Variants in ZNF804B observed in about 807,000 individuals in gnomAD.
The protein encoded by ZNF804B is zinc finger 804B.
Under a neutral mutation model 101.4 loss-of-function variants are expected in ZNF804B, and 80 were observed. The ratio of observed to expected loss-of-function variants is 0.79; its 90% CI spans 0.66 to 0.95. The LOEUF (loss-of-function observed/expected upper bound fraction) is 0.95, where lower values mean the gene tolerates loss of function less well. Ranked by LOEUF, ZNF804B falls within the 40% of genes least tolerant of loss-of-function variation. The pLI is 0.00. For missense variants in ZNF804B, 1,673 were observed against 1,561.9 expected, an observed-to-expected ratio of 1.07 and a Z score of -1.20; for synonymous variants, 622 against 558.8, an observed-to-expected ratio of 1.11 and a Z score of -1.59.
chr7:89,336,446 T>G lies in ZNF804B; in HGVS notation c.3464T>G (p.Ile1155Arg), dbSNP rs144457937. Reference protein sequence around the residue: ...QQPITFSPDEIDKYKILQLQA... With the variant: ...QQPITFSPDERDKYKILQLQA... Reference sequence around the variant, plus strand: ...CCCATAACATTTTCTCCTGACGAAATAGATAAATATAAGATCCTACAGCTA... The same window carrying G: ...CCCATAACATTTTCTCCTGACGAAAGAGATAAATATAAGATCCTACAGCTA... The change falls in exon 4 of 4, where the codon ATA (isoleucine) becomes AGA (arginine). Residue 1155 changes from isoleucine (I) to arginine (R), a missense_variant. By Grantham distance (97) the Ile-to-Arg change is moderately conservative. Coordinates refer to ENST00000333190, the MANE Select transcript of ZNF804B (RefSeq NM_181646.5). The G allele has an allele frequency of 4.3e-6, 7 of 1,613,968 alleles. No individual in the cohort carries two copies. In the Admixed American group the frequency reaches 6.7e-5, roughly 15 times the overall value.
At chr7:89,241,957 T>C (rs1293734032) in intron 2 of ZNF804B, among the ~76,000 whole-genome samples, 1 of 151,658 alleles carries the variant, frequency 6.6e-6, no homozygotes, top group Non-Finnish European at 1.5e-5. Flanking sequence ...CACCAACTTC[T>C]CTTCTCCAGG....
At chr7:89,032,867 T>C (rs1788860152) in intron 1 of ZNF804B, among the ~76,000 whole-genome samples, 1 of 152,096 alleles carries the variant, frequency 6.6e-6, no homozygotes, top group Non-Finnish European at 1.5e-5. Context: ...GGTGATGTTA[T>C]AATTTATGAA....
At chr7:88,788,163 T>C (rs1790330256) in intron 1 of ZNF804B, among the ~76,000 whole-genome samples, 1 of 152,070 alleles carries the variant, frequency 6.6e-6, no homozygotes, top group Non-Finnish European at 1.5e-5. Flanking sequence ...CCAGTGGGAC[T>C]TCTTGAGAAG....
At position 89,220,066 on chromosome 7, in the gene ZNF804B, C is replaced by CAT. The variant is rs1204101899; in HGVS notation, c.249+1776_249+1777dup. Among the ~76,000 whole-genome samples, 70 of 93,912 alleles carry CAT rather than the reference C, an allele frequency of 7.5e-4. 17 individuals are homozygous for CAT. Among genetic ancestry groups the CAT allele is most frequent in the African/African-American group, 2.7e-3 (57 of 20,944 alleles). The allele number at this position is 93,912 out of a possible 152,430, so 61.6% of individuals were successfully genotyped here. A position where few individuals can be genotyped will look rare whatever the true frequency, so the allele number is the denominator to read the frequency against. ...ATGTGCATATATACATATATACGCACATATATGTGTATATACATATATATA... is the reference window on the plus strand; with the variant it reads ...ATGTGCATATATACATATATACGCACATATATATGTGTATATACATATATATA... On this transcript the variant is annotated intron_variant, in intron 2 of 3. Coordinates refer to ENST00000333190, the MANE Select transcript of ZNF804B (RefSeq NM_181646.5).
At chr7:89,311,376 G>A (rs1458575618) in intron 2 of ZNF804B, among the ~76,000 whole-genome samples, 1 of 152,106 alleles carries the variant, frequency 6.6e-6, no homozygotes, top group African/African-American at 2.4e-5. Flanking sequence ...AAATGCTGCT[G>A]CATGAGAAAG....
chr7:89,081,201 A>G (rs1457111162), intron 1 of ZNF804B, among the ~76,000 whole-genome samples: 1 of 151,876 alleles, frequency 6.6e-6, no homozygotes, highest in East Asian at 1.9e-4. Context: ...TCAGGGCTAG[A>G]AATTTGAAAC....
intron 1 of ZNF804B, among the ~76,000 whole-genome samples, chr7:88,800,432 A>C (rs1586908441): frequency 6.6e-6 from 1 of 152,130 alleles, no homozygotes; most frequent in South Asian, 2.1e-4. Flanking sequence ...CATAGTTTTC[A>C]TCTATTTACT....
chr7:88,928,587 G>T (rs766207806), intron 1 of ZNF804B, among the ~76,000 whole-genome samples: 1 of 151,984 alleles, frequency 6.6e-6, no homozygotes, highest in African/African-American at 2.4e-5. Context: ...GAGATCCAGG[G>T]GTGTTTCCCT....
chr7:88,891,409 G>T (rs1792212034), intron 1 of ZNF804B, among the ~76,000 whole-genome samples: 1 of 151,868 alleles, frequency 6.6e-6, no homozygotes, highest in South Asian at 2.1e-4. Context: ...TATTTTGTTT[G>T]CCTTTTATAT....
At chr7:88,895,605 C>T (rs1263140559) in intron 1 of ZNF804B, among the ~76,000 whole-genome samples, 1 of 152,156 alleles carries the variant, frequency 6.6e-6, no homozygotes, top group Admixed American at 6.5e-5. Context: ...GAAACCAGCA[C>T]TCCTTAGTGA....
At chr7:89,255,101 GC>G (rs1450846282) in intron 2 of ZNF804B, among the ~76,000 whole-genome samples, 7 of 152,204 alleles carry the variant, frequency 4.6e-5, no homozygotes, top group Non-Finnish European at 1.0e-4. Flanking sequence ...TTGCTGGGAG[GC>G]CTCAGGAAAC....
At chr7:88,902,303 C>G (rs1792403925) in intron 1 of ZNF804B, among the ~76,000 whole-genome samples, 1 of 151,908 alleles carries the variant, frequency 6.6e-6, no homozygotes, top group South Asian at 2.1e-4. Flanking sequence ...ATCTGTTTTT[C>G]CAGCAGCGCA....
chr7:89,049,009 G>C (rs1789156391), intron 1 of ZNF804B, among the ~76,000 whole-genome samples: 2 of 152,062 alleles, frequency 1.3e-5, no homozygotes, highest in Admixed American at 6.5e-5. Context: ...CACAATTTCA[G>C]GTTCTTGTAA....
At chr7:88,781,880 C>T (rs763691881) in intron 1 of ZNF804B, among the ~76,000 whole-genome samples, 12 of 152,096 alleles carry the variant, frequency 7.9e-5, no homozygotes, top group Non-Finnish European at 1.6e-4. Flanking sequence ...CTGACTTAAG[C>T]ATAAAAGAAT....
intron 1 of ZNF804B, among the ~76,000 whole-genome samples, chr7:89,112,762 G>C (rs1790240902): frequency 6.6e-6 from 1 of 152,168 alleles, no homozygotes; most frequent in Admixed American, 6.5e-5. Context: ...TTTAAGTAAA[G>C]AGTGAAGAGA....
rs1230206594 is a variant in ZNF804B at position 89,336,299 on chromosome 7, A to T, written c.3317A>T (p.His1106Leu). ...CTAGACTTACAGGATGTAAGCATGC[A>T]TATAAATCATGTAGAGGGAAATATA... ...INLDLQDVSM[H>L]INHVEGNINS... The change falls in exon 4 of 4, where the codon CAT becomes CTT. Residue 1106 changes from histidine (H) to leucine (L), a missense_variant. Coordinates refer to ENST00000333190, the MANE Select transcript of ZNF804B (RefSeq NM_181646.5). The T allele has an allele frequency of 1.2e-6, 2 of 1,613,920 alleles. No homozygotes were observed. The highest frequency in any genetic ancestry group is 1.7e-5 in the Admixed American group (1 of 59,970).
chr7:88,878,354 A>G (rs1791982018), intron 1 of ZNF804B, among the ~76,000 whole-genome samples: 1 of 152,122 alleles, frequency 6.6e-6, no homozygotes, highest in Admixed American at 6.6e-5. Context: ...TCACATTTTA[A>G]AAAATTTGGT....
intron 1 of ZNF804B, among the ~76,000 whole-genome samples, chr7:88,934,897 A>G (rs1400675801): frequency 6.6e-6 from 1 of 151,998 alleles, no homozygotes; most frequent in South Asian, 2.1e-4. Context: ...AGAGGAAAAT[A>G]TATTGTTATA....
At chr7:89,169,168 G>A (rs1432638780) in intron 1 of ZNF804B, among the ~76,000 whole-genome samples, 1 of 152,124 alleles carries the variant, frequency 6.6e-6, no homozygotes, top group African/African-American at 2.4e-5. Context: ...GTCAATGGCA[G>A]GTCTGTGATG....
Sources: gnomAD v4.1 joint callset for allele counts (sites outside exome capture counted in the v4.1 genomes callset) on GRCh38, gnomAD v4.1.1 for gene constraint, MANE v1.5 for transcripts, NCBI Gene and HGNC (gene_info 2026-07-23, HGNC 2026-07-21) for gene names.